RAB38: variants seen among roughly 807,000 people sequenced by gnomAD.
RAB38 encodes ras-related protein Rab-38.
RAB38 carries 15 observed loss-of-function variants against 18.4 expected under a neutral mutation model. That is an observed-to-expected ratio of 0.82 (90% CI 0.55 to 1.26). The LOEUF (loss-of-function observed/expected upper bound fraction) is 1.26. Ranked by LOEUF, RAB38 falls within the 50% of genes most tolerant of loss-of-function variation. RAB38 has a pLI of 0.00. For synonymous variants in RAB38, 101 were observed against 104.4 expected (o/e 0.97, Z 0.20); for missense variants, 294 against 267.4 (o/e 1.10, Z -0.69).
chr11:88,159,307 T>C (rs537577018), intron 1 of RAB38, among the ~76,000 whole-genome samples: 1 of 151,520 alleles, frequency 6.6e-6, no homozygotes, highest in African/African-American at 2.4e-5. Context: ...AGGAGAACTA[T>C]GAAACACTAC....
At chr11:88,114,198 G>A (rs1421015128) in intron 2 of RAB38, 58 bp from the exon 3 acceptor site, 10 of 1,556,272 alleles carry the variant, frequency 6.4e-6, no homozygotes, top group Non-Finnish European at 8.0e-6. Flanking sequence ...TAATGCTAGA[G>A]CAGAGACTTA....
chr11:88,051,602 G>A, the RAB38 span, among the ~76,000 whole-genome samples: 3 of 151,872 alleles, frequency 2.0e-5, no homozygotes, highest in East Asian at 5.8e-4. Context: ...TAGTCATCAT[G>A]TGAAAAACAA....
the RAB38 span, among the ~76,000 whole-genome samples, chr11:87,913,283 G>A: frequency 6.6e-6 from 1 of 151,966 alleles, no homozygotes; most frequent in African/African-American, 2.4e-5. Context: ...TTTTCTATCA[G>A]TTATCATGGA....
the RAB38 span, among the ~76,000 whole-genome samples, chr11:88,032,977 C>A: frequency 5.9e-5 from 9 of 152,062 alleles, no homozygotes; most frequent in Non-Finnish European, 7.4e-5. Context: ...GGAACCAATC[C>A]AAATGTCCAA....
chr11:87,955,918 T>C, the RAB38 span, among the ~76,000 whole-genome samples: 1 of 150,842 alleles, frequency 6.6e-6, no homozygotes, highest in Admixed American at 6.6e-5. Flanking sequence ...TAGGACAGAA[T>C]AGAAAATATT....
the RAB38 span, among the ~76,000 whole-genome samples, chr11:87,908,866 A>T: frequency 1.7e-3 from 264 of 152,102 alleles, no homozygotes; most frequent in African/African-American, 6.0e-3. Flanking sequence ...AATGTTAGGA[A>T]TATTGGAGCA....
intron 1 of RAB38, among the ~76,000 whole-genome samples, chr11:88,155,947 T>C (rs935730237): frequency 6.6e-6 from 1 of 152,236 alleles, no homozygotes; most frequent in African/African-American, 2.4e-5. Context: ...AGAACTGGTC[T>C]TGTGAACTAA....
chr11:88,054,260 G>A, the RAB38 span, among the ~76,000 whole-genome samples: 1 of 151,976 alleles, frequency 6.6e-6, no homozygotes, highest in Non-Finnish European at 1.5e-5. Context: ...GTTTTTTTGA[G>A]GCTTGAAGAA....
chr11:88,173,998 A>G lies in RAB38; in HGVS notation c.202+1185T>C, dbSNP rs1039510370. On this transcript the variant is annotated intron_variant, in intron 1 of 2. Coordinates refer to ENST00000243662, the MANE Select transcript of RAB38 (RefSeq NM_022337.3). ...AGCTAAAATGAATCCATTTTCTGAAACAGAAGTGGCTAGTTTGGGTCCAGC... is the reference window on the plus strand; with the variant it reads ...AGCTAAAATGAATCCATTTTCTGAAGCAGAAGTGGCTAGTTTGGGTCCAGC... 14 of 985,332 alleles carry G rather than the reference A, an allele frequency of 1.4e-5. No homozygotes were observed. In the African/African-American group the frequency reaches 2.4e-4, roughly 17 times the overall value. 61.0% of individuals were successfully genotyped at this position (985,332 alleles called of 1,614,324 possible). A position where few individuals can be genotyped will look rare whatever the true frequency, so the allele number is the denominator to read the frequency against.
At chr11:88,030,573 A>G in the RAB38 span, among the ~76,000 whole-genome samples, 1 of 152,240 alleles carries the variant, frequency 6.6e-6, no homozygotes, top group South Asian at 2.1e-4. Flanking sequence ...CAGAAATACA[A>G]ACTACCATCA....
chr11:88,017,658 GCT>G, the RAB38 span, among the ~76,000 whole-genome samples: 4,648 of 147,588 alleles, frequency 0.031, 97 homozygotes, highest in Admixed American at 0.045. Context: ...GACAATTTCA[GCT>G]CTGTCTCTAT....
At chr11:88,062,963 C>T in the RAB38 span, among the ~76,000 whole-genome samples, 66,013 of 151,990 alleles carry the variant, frequency 0.43, 15,742 homozygotes, top group South Asian at 0.55. Flanking sequence ...GTTTACTATG[C>T]GCTCTACCTT....
the RAB38 span, among the ~76,000 whole-genome samples, chr11:88,007,427 A>C: frequency 6.6e-6 from 1 of 151,200 alleles, no homozygotes; most frequent in Non-Finnish European, 1.5e-5. Flanking sequence ...AATCAATAAT[A>C]AGTTGCCACA....
At chr11:88,014,648 A>C in the RAB38 span, among the ~76,000 whole-genome samples, 1 of 152,102 alleles carries the variant, frequency 6.6e-6, no homozygotes, top group Non-Finnish European at 1.5e-5. Flanking sequence ...CCCTGCTGGC[A>C]AGGCCTGGTT....
the RAB38 span, among the ~76,000 whole-genome samples, chr11:87,858,196 G>C: frequency 2.0e-5 from 3 of 152,072 alleles, no homozygotes; most frequent in South Asian, 6.2e-4. Flanking sequence ...TTATTTCTGA[G>C]GGTCCTGTTC....
At chr11:88,088,504 A>G in the RAB38 span, among the ~76,000 whole-genome samples, 1 of 151,886 alleles carries the variant, frequency 6.6e-6, no homozygotes, top group Admixed American at 6.6e-5. Flanking sequence ...TTTTATGAAG[A>G]CTAAGTCTTC....
the RAB38 span, among the ~76,000 whole-genome samples, chr11:88,089,265 C>A: frequency 6.6e-6 from 1 of 151,754 alleles, no homozygotes; most frequent in Non-Finnish European, 1.5e-5. Context: ...CTTAAAGCAG[C>A]CATTAGTAAT....
chr11:88,119,766 A>G (rs1053941717), intron 2 of RAB38, among the ~76,000 whole-genome samples: 28 of 152,064 alleles, frequency 1.8e-4, no homozygotes, highest in Admixed American at 6.6e-5. Context: ...AAATACATCA[A>G]CCTCAAACAA....
the RAB38 span, among the ~76,000 whole-genome samples, chr11:88,034,794 ATTC>A: frequency 6.6e-6 from 1 of 152,170 alleles, no homozygotes; most frequent in African/African-American, 2.4e-5. Flanking sequence ...ATATTGCCTT[ATTC>A]TTCTATGAAC....
Sources: gnomAD v4.1 joint callset for allele counts (sites outside exome capture counted in the v4.1 genomes callset) on GRCh38, gnomAD v4.1.1 for gene constraint, MANE v1.5 for transcripts, NCBI Gene and HGNC (gene_info 2026-07-23, HGNC 2026-07-21) for gene names.